The following PDE5A variants were observed in gnomAD, a reference collection of about 807,000 sequenced individuals.
PDE5A encodes phosphodiesterase 5A, also known as cGMP-specific 3',5'-cyclic phosphodiesterase.
A neutral mutation model predicts 110.2 loss-of-function variants in PDE5A; 67 were observed. The observed-to-expected ratio is 0.61, with a 90% confidence interval of 0.50 to 0.75. PDE5A has a LOEUF of 0.75. PDE5A is among the 30% of genes least tolerant of loss of function. The pLI is 0.00. For synonymous variants in PDE5A, 328 were observed against 351.2 expected (o/e 0.93, Z 0.74); for missense variants, 862 against 1,045.1 (o/e 0.82, Z 2.42).
intron 5 of PDE5A, among the ~76,000 whole-genome samples, chr4:119,564,477 A>G (rs1444720658): frequency 6.6e-6 from 1 of 152,162 alleles, no homozygotes; most frequent in Non-Finnish European, 1.5e-5. Context: ...GAAAAGTTCT[A>G]TGATGACACT....
chr4:119,589,454 CT>C (rs1245968085), intron 3 of PDE5A, among the ~76,000 whole-genome samples: 6 of 127,416 alleles, frequency 4.7e-5, no homozygotes, highest in African/African-American at 1.7e-4. Context: ...ATCTGAGCTT[CT>C]CTGTAATTCT....
chr4:119,558,070 A>G (rs1434425970), intron 7 of PDE5A, among the ~76,000 whole-genome samples: 5 of 152,166 alleles, frequency 3.3e-5, no homozygotes, highest in African/African-American at 1.2e-4. Flanking sequence ...GAGCTAACAT[A>G]AACGGCACAA....
At chr4:119,591,911 G>A (rs1409187162) in intron 3 of PDE5A, among the ~76,000 whole-genome samples, 2 of 151,960 alleles carry the variant, frequency 1.3e-5, no homozygotes, top group Non-Finnish European at 2.9e-5. Context: ...CAGCACTTTG[G>A]GAGGCTGAGG....
chr4:119,540,739 ATTG>A (rs1305904941), intron 10 of PDE5A, among the ~76,000 whole-genome samples: 1 of 152,192 alleles, frequency 6.6e-6, no homozygotes, highest in Non-Finnish European at 1.5e-5. Context: ...TCATTATTTT[ATTG>A]TTATTAGAAT....
Position 119,627,469 on chromosome 4 carries a change from C to T in PDE5A, c.152+1051G>A, listed in dbSNP as rs1730400941. On this transcript the variant is annotated intron_variant, in intron 1 of 20. Transcript: ENST00000354960. The surrounding 1 kb of genome is among the most constrained non-coding windows in gnomAD (Gnocchi z 4.6). ...TGCCGGGCGTGTGTCACCCTCCCGG[C>T]CAAGACGGCCAGCACCCGCTGCCCG... 1.0e-5 allele frequency: 2 copies of T among 195,548 alleles called. No individual in the cohort carries two copies. Among genetic ancestry groups the T allele is most frequent in the Non-Finnish European group, 9.3e-6 (1 of 107,758 alleles). The allele number at this position is 195,548 out of a possible 1,614,324, so 12.1% of individuals were successfully genotyped here.
intron 14 of PDE5A, among the ~76,000 whole-genome samples, chr4:119,513,749 G>C (rs981015262): frequency 6.6e-6 from 1 of 152,146 alleles, no homozygotes; most frequent in African/African-American, 2.4e-5. Flanking sequence ...CCACTTAGGG[G>C]CTGGACTACG....
chr4:119,562,491 C>A lies in PDE5A; in HGVS notation c.1131+342G>T, dbSNP rs77883174. 8.1e-3 allele frequency among the ~76,000 whole-genome samples: 1,238 copies of A among 152,104 alleles called. 11 individuals carry two copies. The highest frequency in any genetic ancestry group is 0.028 in the African/African-American group (1,181 of 41,510). The stretch of plus-strand genomic sequence containing the variant: ...GCAACTAGGTCACCAGTATTCCTGA[C>A]CATGAAAAGTCAGCACACTGTAATG... On this transcript the variant is annotated intron_variant, in intron 6 of 20. Transcript: ENST00000354960.
Position 119,555,452 on chromosome 4 carries a change from A to G in PDE5A, c.1200-1706T>C, listed in dbSNP as rs79756972. Among the ~76,000 whole-genome samples the G allele has an allele frequency of 2.2e-3, 342 of 152,306 alleles. 9 individuals are homozygous for G. The East Asian group carries it at 0.045, about 20-fold the overall frequency. Reference sequence around the variant, plus strand: ...ATGCAGGGTTTAGTTTAATAAAACAATGTTTAAAACTACAAATATTTTATA... The same window carrying G: ...ATGCAGGGTTTAGTTTAATAAAACAGTGTTTAAAACTACAAATATTTTATA... On this transcript the variant is annotated intron_variant, in intron 7 of 20. Transcript: ENST00000354960.
chr4:119,598,160 CA>C (rs2110539183), intron 2 of PDE5A, among the ~76,000 whole-genome samples: 1 of 152,150 alleles, frequency 6.6e-6, no homozygotes, highest in Non-Finnish European at 1.5e-5. Flanking sequence ...TGTTAATAAA[CA>C]TTTGAATTAT....
Position 119,552,593 on chromosome 4 carries a change from C to T in PDE5A, c.1353G>A (p.Leu451=). 1 of 1,550,852 alleles carries T rather than the reference C, an allele frequency of 6.4e-7. No individual in the cohort carries two copies. Among genetic ancestry groups the T allele is most frequent in the East Asian group, 2.4e-5 (1 of 42,448 alleles). The change falls in exon 9 of 21, where the codon TTG becomes TTA. Residue 451 remains leucine (L), a synonymous_variant. Transcript: ENST00000354960. ...GNVNQQCIRS[L]LCTPIKNGKK... ...TTCCATTTTTTATAGGTGTACAAAG[C>T]AAACTTCTAATGCACTGCTGGTTTA...
At chr4:119,592,150 CAA>C (rs70944895) in intron 3 of PDE5A, among the ~76,000 whole-genome samples, 3 of 15,752 alleles carry the variant, frequency 1.9e-4, no homozygotes, top group African/African-American at 5.2e-4. Context: ...GACTCTGTCT[CAA>C]AAAAAAAAAA....
chr4:119,515,179 C>G (rs985902402), intron 14 of PDE5A, among the ~76,000 whole-genome samples: 1 of 148,082 alleles, frequency 6.8e-6, no homozygotes, highest in Admixed American at 6.7e-5. Context: ...GATCTCCAGG[C>G]TCTCAAGATC....
At chr4:119,534,508 C>T (rs983164336) in intron 11 of PDE5A, among the ~76,000 whole-genome samples, 4 of 152,096 alleles carry the variant, frequency 2.6e-5, no homozygotes, top group Non-Finnish European at 5.9e-5. Context: ...CCATTCCGCC[C>T]GCCCCCCAAC....
At chr4:119,620,570 C>T (rs899593554) in intron 1 of PDE5A, among the ~76,000 whole-genome samples, 1 of 152,150 alleles carries the variant, frequency 6.6e-6, no homozygotes, top group East Asian at 1.9e-4. Context: ...AGAGACTGGA[C>T]TACAATGGCA....
intron 18 of PDE5A, 64 bp from the exon 19 acceptor site, chr4:119,502,719 G>A (rs1049736803): frequency 5.1e-5 from 52 of 1,013,336 alleles, no homozygotes; most frequent in African/African-American, 3.8e-4. Context: ...AACAGAGACC[G>A]TGAATGAAGG....
chr4:119,592,224 G>A (rs1271200365), intron 3 of PDE5A, among the ~76,000 whole-genome samples: 1 of 149,746 alleles, frequency 6.7e-6, no homozygotes. Flanking sequence ...GGGAGGCTGA[G>A]GTGGGCGGAT....
At chr4:119,498,776 C>T (rs762201093) in intron 20 of PDE5A, 38 bp from the exon 21 acceptor site, 18 of 1,611,494 alleles carry the variant, frequency 1.1e-5, no homozygotes, top group South Asian at 8.8e-5. Context: ...TAGAGAGAAG[C>T]CAGGAAATAA....
intron 3 of PDE5A, among the ~76,000 whole-genome samples, chr4:119,578,417 A>T (rs1728456163): frequency 6.6e-6 from 1 of 152,216 alleles, no homozygotes; most frequent in African/African-American, 2.4e-5. Context: ...TGGAGGCATC[A>T]CGCTACCTGA....
chr4:119,539,096 T>A, intron 10 of PDE5A, 77 bp from the exon 11 acceptor site: 1 of 1,061,646 alleles, frequency 9.4e-7, no homozygotes. Flanking sequence ...AGCTTGGAAT[T>A]CTGCTAAGTC....
Sources: allele counts gnomAD v4.1 joint callset (sites outside exome capture counted in the v4.1 genomes callset), GRCh38; gene constraint gnomAD v4.1.1; non-coding constraint Gnocchi (gnomAD v3.1); transcripts MANE v1.5; gene names NCBI Gene and HGNC (gene_info 2026-07-23, HGNC 2026-07-21).